SEC14L1: variants seen among roughly 807,000 people sequenced by gnomAD.
SEC14L1 encodes the protein SEC14 like lipid binding 1.
Under a neutral mutation model 85.3 loss-of-function variants are expected in SEC14L1, and 48 were observed. The observed-to-expected ratio is 0.56, with a 90% CI of 0.45 to 0.72. The LOEUF (loss-of-function observed/expected upper bound fraction) is 0.72. Among genes scored for constraint, SEC14L1 ranks in the 30% least tolerant of loss-of-function variants. The pLI is 0.00. For missense variants in SEC14L1, 682 were observed against 921.4 expected, an observed-to-expected ratio of 0.74 and a Z score of 3.36; for synonymous variants, 391 against 355.5, an observed-to-expected ratio of 1.10 and a Z score of -1.12.
intron 3 of SEC14L1, among the ~76,000 whole-genome samples, chr17:77,103,435 T>G (rs1971826919): frequency 6.9e-6 from 1 of 144,062 alleles, no homozygotes. Flanking sequence ...TTTGTTGTTG[T>G]TTTTTTTTTG....
At chr17:77,115,557 C>T (rs1972152001) in intron 3 of SEC14L1, among the ~76,000 whole-genome samples, 1 of 152,180 alleles carries the variant, frequency 6.6e-6, no homozygotes, top group Admixed American at 6.5e-5. Context: ...GACCCTTGCT[C>T]CTGACTGTGG....
chr17:77,127,416 C>G (rs1444035149), intron 3 of SEC14L1, among the ~76,000 whole-genome samples: 1 of 152,176 alleles, frequency 6.6e-6, no homozygotes. Context: ...GTGGCGCGAT[C>G]TCAGCTCACT....
chr17:77,114,836 CAAAAAAAAAAAA>C (rs35413326), intron 3 of SEC14L1, among the ~76,000 whole-genome samples: 1 of 66,836 alleles, frequency 1.5e-5, no homozygotes, highest in Admixed American at 1.7e-4. Flanking sequence ...ACTTCATCTC[CAAAAAAAAAAAA>C]AAAAAAAAAA....
chr17:77,149,133 C>G (rs1973442953), intron 3 of SEC14L1, among the ~76,000 whole-genome samples: 1 of 152,304 alleles, frequency 6.6e-6, no homozygotes, highest in East Asian at 1.9e-4. Context: ...GTTTCTCTCC[C>G]TTCCCCGGGA....
At chr17:77,193,142 T>G (rs2068471338) in intron 5 of SEC14L1, among the ~76,000 whole-genome samples, 1 of 152,238 alleles carries the variant, frequency 6.6e-6, no homozygotes, top group Admixed American at 6.5e-5. Context: ...GTGAGTATGT[T>G]GAATGAATGA....
intron 2 of SEC14L1, among the ~76,000 whole-genome samples, chr17:77,090,743 A>G (rs2143263620): frequency 6.6e-6 from 1 of 152,212 alleles, no homozygotes; most frequent in East Asian, 1.9e-4. Context: ...TAATCACAGC[A>G]CTTTTGGAGG....
chr17:77,186,479 T>C (rs916937631), intron 3 of SEC14L1, among the ~76,000 whole-genome samples: 4 of 152,254 alleles, frequency 2.6e-5, no homozygotes, highest in African/African-American at 9.6e-5. Context: ...TGGCACCTGC[T>C]TATCCTTCTG....
intron 3 of SEC14L1, among the ~76,000 whole-genome samples, chr17:77,151,572 C>T (rs539722094): frequency 8.4e-5 from 11 of 130,520 alleles, no homozygotes; most frequent in African/African-American, 2.6e-4. Flanking sequence ...TTCAGCTTCT[C>T]GCCTCTCTGA....
chr17:77,127,661 T>A (rs759274733), intron 3 of SEC14L1, among the ~76,000 whole-genome samples: 35 of 152,210 alleles, frequency 2.3e-4, no homozygotes, highest in Non-Finnish European at 4.3e-4. Context: ...AGGGGTTTTT[T>A]TTCTAACCAG....
rs2143252999 is a variant in SEC14L1, at chr17:77,215,204, T to G, written c.*1181T>G. The G allele has an allele frequency of 1.0e-6, 1 of 985,408 alleles. No homozygotes were observed. Among genetic ancestry groups the G allele is most frequent in the South Asian group, 4.7e-5 (1 of 21,294 alleles). The allele number at this position is 985,408 out of a possible 1,614,324, so 61.0% of individuals were successfully genotyped here. On this transcript the variant is annotated 3_prime_UTR_variant, in exon 17 of 17. Coordinates refer to ENST00000436233, the MANE Select transcript of SEC14L1 (RefSeq NM_001143998.2). ...TCAGAATATGGGATTTGTTTGCCTT[T>G]TACATTTTGTTTAATTCCTGATTTT...
At chr17:77,134,716 G>A (rs967850711) in intron 3 of SEC14L1, among the ~76,000 whole-genome samples, 1 of 152,108 alleles carries the variant, frequency 6.6e-6, no homozygotes, top group Non-Finnish European at 1.5e-5. Flanking sequence ...GGGTGACCGA[G>A]CAAAACTCTG....
At position 77,203,667 on chromosome 17, in the gene SEC14L1, G is replaced by A. The variant is rs201561254; in HGVS notation, c.1098+9G>A. The A allele has an allele frequency of 1.8e-4, 296 of 1,606,738 alleles. 2 individuals carry two copies. In the East Asian group the frequency reaches 5.4e-3, roughly 29 times the overall value. On this transcript the variant is annotated intron_variant, in intron 10 of 16. Transcript: ENST00000436233. Reference sequence around the variant, plus strand: ...AAGCCCTGCTGAGATACGTAAGTGCGCGGCTGCGAGACTCCAGGTGCCACT... The same window carrying A: ...AAGCCCTGCTGAGATACGTAAGTGCACGGCTGCGAGACTCCAGGTGCCACT...
At chr17:77,115,592 C>T (rs1972153019) in intron 3 of SEC14L1, among the ~76,000 whole-genome samples, 1 of 152,128 alleles carries the variant, frequency 6.6e-6, no homozygotes, top group African/African-American at 2.4e-5. Context: ...AGGTCTAGGG[C>T]CTTCATTCTG....
At chr17:77,182,223 C>T (rs1567914502) in intron 3 of SEC14L1, among the ~76,000 whole-genome samples, 1 of 152,146 alleles carries the variant, frequency 6.6e-6, no homozygotes, top group Non-Finnish European at 1.5e-5. Flanking sequence ...TGGTGGAGTG[C>T]AGCATTCAGC....
rs569009906 is a variant in SEC14L1 at position 77,215,409 on chromosome 17, A to G, written c.*1386A>G. ...CATGCCAAACCCCACGCGGCTGTCAACTGTGTGCGTGGTAGGCATGGAGAT... is the reference window on the plus strand; with the variant it reads ...CATGCCAAACCCCACGCGGCTGTCAGCTGTGTGCGTGGTAGGCATGGAGAT... On this transcript the variant is annotated 3_prime_UTR_variant, in exon 17 of 17. Coordinates refer to ENST00000436233, the MANE Select transcript of SEC14L1 (RefSeq NM_001143998.2). 3.0e-6 allele frequency: 3 copies of G among 985,380 alleles called. No homozygotes were observed. Among genetic ancestry groups the G allele is most frequent in the East Asian group, 2.3e-4 (2 of 8,816 alleles). The allele number at this position is 985,380 out of a possible 1,614,324, so 61.0% of individuals were successfully genotyped here.
chr17:77,199,498 C>T (rs1417140694), intron 8 of SEC14L1: 4 of 156,230 alleles, frequency 2.6e-5, no homozygotes, highest in East Asian at 1.9e-4. Context: ...TGGCACTGGG[C>T]GGCACCCTTT....
chr17:77,093,906 T>C (rs1971575929), intron 3 of SEC14L1: 1 of 152,232 alleles, frequency 6.6e-6, no homozygotes, highest in Admixed American at 6.5e-5. Flanking sequence ...CCCAGATTGG[T>C]ACATTTGAGG....
Position 77,113,604 on chromosome 17 carries a change from G to A in SEC14L1, c.-136+20257G>A, listed in dbSNP as rs557690524. ...ACTAAAAATATAAAAAAATTAGCCA[G>A]GTGTGGTAGCACATGCCTGTAGACC... is the stretch of plus-strand genomic sequence containing the variant. On this transcript the variant is annotated intron_variant, in intron 3 of 19. Transcript: ENST00000392476. Among the ~76,000 whole-genome samples the A allele has an allele frequency of 4.6e-5, 7 of 152,266 alleles. No individual in the cohort carries two copies. In the East Asian group the frequency reaches 1.3e-3, roughly 29 times the overall value.
intron 13 of SEC14L1, 130 bp from the exon 14 acceptor site, chr17:77,209,212 G>A: frequency 2.9e-6 from 3 of 1,051,314 alleles, no homozygotes; most frequent in Non-Finnish European, 4.1e-6. Flanking sequence ...TTACGACCCT[G>A]CCAGTGTTTT....
Sources: gnomAD v4.1 joint callset for allele counts (sites outside exome capture counted in the v4.1 genomes callset) on GRCh38, gnomAD v4.1.1 for gene constraint, MANE v1.5 for transcripts, NCBI Gene and HGNC (gene_info 2026-07-23, HGNC 2026-07-21) for gene names.